Variants in ACADSB observed in about 807,000 individuals in gnomAD.
The protein encoded by ACADSB is short/branched chain specific acyl-CoA dehydrogenase, mitochondrial.
Under a neutral mutation model 54.1 loss-of-function variants are expected in ACADSB, and 40 were observed. The observed-to-expected ratio is 0.74, with a 90% CI of 0.57 to 0.96. The LOEUF (loss-of-function observed/expected upper bound fraction) is 0.96. Ranked by LOEUF, ACADSB falls within the 40% of genes least tolerant of loss-of-function variation. The probability of loss-of-function intolerance (pLI) is 0.00; values close to 1 mark genes in which losing one functional copy is unlikely to be tolerated. For synonymous variants in ACADSB, 182 were observed against 182.8 expected (o/e 1.00, Z 0.03); for missense variants, 530 against 510.4 (o/e 1.04, Z -0.37).
At chr10:123,049,756 C>T (rs1850603486) in intron 8 of ACADSB, among the ~76,000 whole-genome samples, 1 of 152,064 alleles carries the variant, frequency 6.6e-6, no homozygotes, top group Admixed American at 6.5e-5. Context: ...ACCATACATA[C>T]AAAATAGATG....
chr10:123,027,453 A>C (rs896962143), intron 1 of ACADSB: 1 of 438,690 alleles, frequency 2.3e-6, no homozygotes, highest in Non-Finnish European at 4.6e-6. Flanking sequence ...TATTCTTGTG[A>C]TAATGAATAA....
At chr10:123,021,399 A>G (rs1052686745) in intron 1 of ACADSB, among the ~76,000 whole-genome samples, 4 of 152,344 alleles carry the variant, frequency 2.6e-5, no homozygotes, top group East Asian at 1.9e-4. Context: ...AATGTAGTCA[A>G]TATGTTCACA....
intron 2 of ACADSB, among the ~76,000 whole-genome samples, chr10:123,036,971 T>C (rs1850406867): frequency 6.6e-6 from 1 of 152,246 alleles, no homozygotes; most frequent in Non-Finnish European, 1.5e-5. Flanking sequence ...GAAGGTGTTT[T>C]CATCAAAATG....
rs767963169 is a variant in ACADSB, at chr10:123,041,358, G to C, written c.660G>C (p.Met220Ile). The C allele has an allele frequency of 8.7e-6, 14 of 1,614,026 alleles. No homozygotes were observed. Among genetic ancestry groups the C allele is most frequent in the Non-Finnish European group, 1.2e-5 (14 of 1,180,036 alleles). ...AGCACGCAGGGCTCTTTCTGGTGATGGCAAATGTAGACCCTACCATTGTAA... is the reference window on the plus strand; with the variant it reads ...AGCACGCAGGGCTCTTTCTGGTGATCGCAAATGTAGACCCTACCATTGTAA... ...SAEHAGLFLVMANVDPTIGYK... is the reference protein window; with the variant it reads ...SAEHAGLFLVIANVDPTIGYK... Residue 220 changes from methionine (M) to isoleucine (I), a missense_variant, in exon 5 of 11, where the codon ATG becomes ATC. Coordinates refer to ENST00000358776, the MANE Select transcript of ACADSB (RefSeq NM_001609.4).
At chr10:123,016,882 G>A (rs1006277507) in intron 1 of ACADSB, among the ~76,000 whole-genome samples, 3 of 152,152 alleles carry the variant, frequency 2.0e-5, no homozygotes, top group Non-Finnish European at 2.9e-5. Flanking sequence ...GAGCAGAAGC[G>A]GTGTGTTTTG....
At chr10:123,048,405 G>A (rs1850588156) in intron 8 of ACADSB, among the ~76,000 whole-genome samples, 2 of 152,022 alleles carry the variant, frequency 1.3e-5, no homozygotes, top group South Asian at 4.1e-4. Context: ...AGGTCATAAA[G>A]CTAATATGGG....
chr10:123,050,984 C>T (rs1260794795), intron 8 of ACADSB, 65 bp from the exon 9 acceptor site: 1 of 1,570,218 alleles, frequency 6.4e-7, no homozygotes, highest in Non-Finnish European at 8.7e-7. Flanking sequence ...CTAGGCAGGA[C>T]TTTGAGGTTG....
rs551676631 is a variant in ACADSB, at chr10:123,027,608, C to A, written c.43-6748C>A. Reference sequence around the variant, plus strand: ...ATATGGAACTGTAAGTCCAGTTAAACCTCTTTTTCTTCCCAGTCGCAGGTA... The same window carrying A: ...ATATGGAACTGTAAGTCCAGTTAAAACTCTTTTTCTTCCCAGTCGCAGGTA... On this transcript the variant is annotated intron_variant, in intron 1 of 10. Coordinates refer to ENST00000358776, the MANE Select transcript of ACADSB (RefSeq NM_001609.4). The A allele has an allele frequency of 2.5e-4, 111 of 444,512 alleles. 1 individual carries two copies. In the East Asian group the frequency reaches 6.0e-3, roughly 24 times the overall value. The allele number at this position is 444,512 out of a possible 1,614,324, so 27.5% of individuals were successfully genotyped here.
intron 1 of ACADSB, among the ~76,000 whole-genome samples, chr10:123,027,957 C>A (rs1323549043): frequency 6.6e-6 from 1 of 152,174 alleles, no homozygotes; most frequent in Non-Finnish European, 1.5e-5. Context: ...GACCCAGGAG[C>A]TCATCTGATT....
chr10:123,031,161 A>G (rs1850321431), intron 1 of ACADSB, among the ~76,000 whole-genome samples: 4 of 152,268 alleles, frequency 2.6e-5, no homozygotes, highest in Admixed American at 2.6e-4. Context: ...AGAGTCACAG[A>G]TACTGCTAAA....
chr10:123,056,920 A>G lies in ACADSB; in HGVS notation c.*3155A>G, dbSNP rs1182382475. On this transcript the variant is annotated 3_prime_UTR_variant, in exon 11 of 11. Transcript: ENST00000358776. The stretch of plus-strand genomic sequence containing the variant: ...ATTAAAATATTAGGAAGAAACAAGG[A>G]CAAATTTAGACCTTGAATCCGAAGA... 1 of 152,692 alleles carries G rather than the reference A, an allele frequency of 6.5e-6. No individual in the cohort carries two copies. The highest frequency in any genetic ancestry group is 2.4e-5 in the African/African-American group (1 of 41,478). The allele number at this position is 152,692 out of a possible 1,614,324, so 9.5% of individuals were successfully genotyped here.
At chr10:123,010,873 C>G (rs568912158) in intron 1 of ACADSB, among the ~76,000 whole-genome samples, 41 of 152,258 alleles carry the variant, frequency 2.7e-4, no homozygotes, top group African/African-American at 9.4e-4. Context: ...AGGTGTGGAA[C>G]AAATCCTAAG....
intron 8 of ACADSB, among the ~76,000 whole-genome samples, chr10:123,047,689 G>T (rs1850578313): frequency 1.3e-5 from 2 of 152,096 alleles, no homozygotes; most frequent in African/African-American, 2.4e-5. Context: ...GTAAAATAAA[G>T]GTAAAACTAC....
At chr10:123,010,971 T>C (rs1192414713) in intron 1 of ACADSB, among the ~76,000 whole-genome samples, 1 of 151,852 alleles carries the variant, frequency 6.6e-6, no homozygotes. Flanking sequence ...GGGTTAGAGT[T>C]TAGGAGGGGA....
At chr10:123,019,074 C>T (rs560009197) in intron 1 of ACADSB, among the ~76,000 whole-genome samples, 11 of 152,210 alleles carry the variant, frequency 7.2e-5, no homozygotes, top group Admixed American at 6.5e-5. Flanking sequence ...TCTCATAAGC[C>T]GTATCAATTC....
In ACADSB at chr10:123,058,011, C is replaced by T. The variant is rs965570470; in HGVS notation, c.*4246C>T. On this transcript the variant is annotated 3_prime_UTR_variant, in exon 11 of 11. Coordinates refer to ENST00000358776, the MANE Select transcript of ACADSB (RefSeq NM_001609.4). ...AAGTGTTAGGATTAGTCAGTGTCAT[C>T]GCTTATGTATATGAATCACTTGCCA... 4.6e-5 allele frequency: 7 copies of T among 152,172 alleles called. No individual in the cohort carries two copies. Among genetic ancestry groups the T allele is most frequent in the Non-Finnish European group, 7.3e-5 (5 of 68,034 alleles). The allele number at this position is 152,172 out of a possible 1,614,324, so 9.4% of individuals were successfully genotyped here.
At chr10:123,023,403 CTT>C (rs1850208768) in intron 1 of ACADSB, among the ~76,000 whole-genome samples, 1 of 152,152 alleles carries the variant, frequency 6.6e-6, no homozygotes, top group Non-Finnish European at 1.5e-5. Context: ...TATGAGCACT[CTT>C]TTACTTAAAA....
intron 1 of ACADSB, 81 bp downstream of exon 1, chr10:123,009,152 G>A: frequency 6.9e-7 from 1 of 1,443,428 alleles, no homozygotes; most frequent in South Asian, 1.2e-5. Context: ...GCCTTCTAAC[G>A]GGCCTCGGGG....
At chr10:123,018,688 T>A (rs552025039) in intron 1 of ACADSB, among the ~76,000 whole-genome samples, 1 of 152,302 alleles carries the variant, frequency 6.6e-6, no homozygotes, top group East Asian at 1.9e-4. Context: ...GGATTCGCAG[T>A]TCCACGTGGC....
Sources: allele counts gnomAD v4.1 joint callset (sites outside exome capture counted in the v4.1 genomes callset), GRCh38; gene constraint gnomAD v4.1.1; transcripts MANE v1.5; gene names NCBI Gene and HGNC (gene_info 2026-07-23, HGNC 2026-07-21).